Variants in PARPBP observed in about 807,000 individuals in gnomAD.
PARPBP encodes the protein PARP1 binding protein.
In PARPBP, 52 loss-of-function variants were observed where a neutral mutation model predicts 50.0. That is an observed-to-expected ratio of 1.04 (90% CI 0.83 to 1.31). PARPBP has a LOEUF of 1.31. PARPBP is among the 50% of genes most tolerant of loss of function. The pLI is 0.00. For missense variants in PARPBP, 697 were observed against 672.0 expected, an observed-to-expected ratio of 1.04 and a Z score of -0.41; for synonymous variants, 244 against 232.1, an observed-to-expected ratio of 1.05 and a Z score of -0.47.
At chr12:102,125,738 A>G (rs116496766) in intron 2 of PARPBP, among the ~76,000 whole-genome samples, 80 of 152,366 alleles carry the variant, frequency 5.3e-4, no homozygotes, top group African/African-American at 1.9e-3. Flanking sequence ...ATCATGAAAC[A>G]TATTACCTAG....
At chr12:102,137,040 C>T (rs763468161) in intron 2 of PARPBP, among the ~76,000 whole-genome samples, 15 of 151,932 alleles carry the variant, frequency 9.9e-5, no homozygotes, top group Non-Finnish European at 1.2e-4. Context: ...CTGTAAACTC[C>T]GCCTCCTGGG....
At chr12:102,136,707 T>G (rs906762344) in intron 2 of PARPBP, among the ~76,000 whole-genome samples, 1 of 152,162 alleles carries the variant, frequency 6.6e-6, no homozygotes, top group Non-Finnish European at 1.5e-5. Flanking sequence ...AGTGGTGTGG[T>G]AGGTTGCAGT....
intron 6 of PARPBP, among the ~76,000 whole-genome samples, chr12:102,171,510 G>C (rs995718048): frequency 3.3e-5 from 5 of 152,040 alleles, no homozygotes; most frequent in African/African-American, 1.2e-4. Context: ...TACATGTTTG[G>C]AGTGTTAAAT....
intron 6 of PARPBP, among the ~76,000 whole-genome samples, chr12:102,172,134 A>G (rs1008308107): frequency 6.6e-6 from 1 of 152,200 alleles, no homozygotes; most frequent in African/African-American, 2.4e-5. Context: ...TGTGCTTTTC[A>G]TCAGCAGCCT....
At chr12:102,129,885 A>G (rs1882585849) in intron 2 of PARPBP, among the ~76,000 whole-genome samples, 1 of 152,266 alleles carries the variant, frequency 6.6e-6, no homozygotes, top group African/African-American at 2.4e-5. Context: ...AGAGCTAGAA[A>G]AAGCTCTTTT....
At chr12:102,132,251 C>T (rs984332030) in intron 2 of PARPBP, among the ~76,000 whole-genome samples, 3 of 151,010 alleles carry the variant, frequency 2.0e-5, no homozygotes, top group Non-Finnish European at 3.0e-5. Context: ...ACCCCTATGA[C>T]ATGAATTTAC....
At chr12:102,174,053 A>G (rs751046471) in intron 6 of PARPBP, among the ~76,000 whole-genome samples, 1 of 151,756 alleles carries the variant, frequency 6.6e-6, no homozygotes, top group Non-Finnish European at 1.5e-5. Flanking sequence ...CATTTATTCA[A>G]CAAACATACA....
chr12:102,184,066 A>G (rs1292202959), intron 9 of PARPBP, among the ~76,000 whole-genome samples: 1 of 150,254 alleles, frequency 6.7e-6, no homozygotes, highest in Non-Finnish European at 1.5e-5. Context: ...AAAAAAAAAA[A>G]GAAAGAATGT....
In PARPBP at chr12:102,148,218, T is replaced by A; in HGVS notation, c.154-12T>A. On this transcript the variant is annotated splice_polypyrimidine_tract_variant and intron_variant, in intron 2 of 10. Transcript: ENST00000327680. ...ACTTTATTTTTTTTTTTTTTGGCATTATCTTTTTCAGCACAGTGGAGAATT... is the reference window on the plus strand; with the variant it reads ...ACTTTATTTTTTTTTTTTTTGGCATAATCTTTTTCAGCACAGTGGAGAATT... 8.4e-7 allele frequency: 1 copy of A among 1,195,340 alleles called. No homozygotes were observed. Among genetic ancestry groups the A allele is most frequent in the Non-Finnish European group, 1.2e-6 (1 of 850,564 alleles). The allele number at this position is 1,195,340 out of a possible 1,614,324, so 74.0% of individuals were successfully genotyped here. A position where few individuals can be genotyped will look rare whatever the true frequency, so the allele number is the denominator to read the frequency against.
chr12:102,165,634 A>G, intron 5 of PARPBP, 95 bp from the exon 6 acceptor site: 1 of 967,912 alleles, frequency 1.0e-6, no homozygotes, highest in African/African-American at 1.7e-5. Flanking sequence ...TTTTAACTGT[A>G]TACCCAGAAT....
chr12:102,181,111 C>T (rs929370211), intron 8 of PARPBP, among the ~76,000 whole-genome samples: 3 of 152,120 alleles, frequency 2.0e-5, no homozygotes, highest in African/African-American at 4.8e-5. Flanking sequence ...AATTCTCATA[C>T]TATTTTGAAT....
chr12:102,146,297 C>T (rs1336810100), intron 2 of PARPBP, among the ~76,000 whole-genome samples: 33 of 152,162 alleles, frequency 2.2e-4, no homozygotes, highest in African/African-American at 7.0e-4. Flanking sequence ...GGAGGCATCA[C>T]GCTACCTGAC....
chr12:102,147,347 A>T (rs1885514725), intron 2 of PARPBP, among the ~76,000 whole-genome samples: 1 of 152,178 alleles, frequency 6.6e-6, no homozygotes, highest in Non-Finnish European at 1.5e-5. Context: ...CTGGATTAAG[A>T]AAATGTGGCA....
chr12:102,168,013 T>C (rs896951060), intron 6 of PARPBP, among the ~76,000 whole-genome samples: 1 of 152,216 alleles, frequency 6.6e-6, no homozygotes, highest in Non-Finnish European at 1.5e-5. Context: ...TCTTAGCAGT[T>C]ACTTAGGTTT....
intron 3 of PARPBP, among the ~76,000 whole-genome samples, chr12:102,150,700 A>T (rs1886071441): frequency 1.3e-5 from 2 of 152,384 alleles, no homozygotes; most frequent in South Asian, 4.1e-4. Context: ...CTGAGCAAGT[A>T]TCTGGAAGAC....
At chr12:102,170,910 T>TC (rs1888642932) in intron 6 of PARPBP, among the ~76,000 whole-genome samples, 2 of 150,564 alleles carry the variant, frequency 1.3e-5, no homozygotes, top group Non-Finnish European at 3.0e-5. Flanking sequence ...TTTTTCTTTT[T>TC]TTTTTTTTTT....
intron 9 of PARPBP, among the ~76,000 whole-genome samples, chr12:102,189,386 G>T (rs1257838428): frequency 1.3e-5 from 2 of 152,228 alleles, no homozygotes; most frequent in African/African-American, 2.4e-5. Flanking sequence ...GAAATGATCT[G>T]TGTTTGTACT....
intron 9 of PARPBP, among the ~76,000 whole-genome samples, chr12:102,185,147 A>G (rs1047861422): frequency 7.9e-5 from 12 of 152,202 alleles, no homozygotes; most frequent in Non-Finnish European, 1.3e-4. Flanking sequence ...ATAGTTCACG[A>G]ACACACTCAT....
Position 102,182,623 on chromosome 12 carries a change from T to G in PARPBP, c.1259T>G (p.Ile420Ser). 6.2e-7 allele frequency: 1 copy of G among 1,600,974 alleles called. No homozygotes were observed. Among genetic ancestry groups the G allele is most frequent in the South Asian group, 1.1e-5 (1 of 90,472 alleles). ...RICVSMQEKK[I>S]KMKQTLIRSQ... ...TGTGTGTCAATGCAAGAGAAAAAAATTAAGGTACAATTTAATGCATGCCAT... is the reference window on the plus strand; with the variant it reads ...TGTGTGTCAATGCAAGAGAAAAAAAGTAAGGTACAATTTAATGCATGCCAT... The change falls in exon 9 of 11, where the codon ATT becomes AGT. Residue 420 changes from isoleucine (I) to serine (S), a missense_variant. By Grantham distance (142) the Ile-to-Ser change is moderately radical. Coordinates refer to ENST00000327680, the MANE Select transcript of PARPBP (RefSeq NM_017915.5).
Sources: gnomAD v4.1 joint callset for allele counts (sites outside exome capture counted in the v4.1 genomes callset) on GRCh38, gnomAD v4.1.1 for gene constraint, MANE v1.5 for transcripts, NCBI Gene and HGNC (gene_info 2026-07-23, HGNC 2026-07-21) for gene names.